The following DLG2 variants were observed in gnomAD, a reference collection of about 807,000 sequenced individuals.
The protein encoded by DLG2 is discs large MAGUK scaffold protein 2, also known as disks large homolog 2.
A neutral mutation model predicts 132.5 loss-of-function variants in DLG2; 45 were observed. That is an observed-to-expected ratio of 0.34 (90% CI 0.27 to 0.44). The LOEUF is 0.44. DLG2 is among the 20% of genes least tolerant of loss of function. DLG2 has a pLI of 1.00. For missense variants in DLG2, 1,045 were observed against 1,196.9 expected, an observed-to-expected ratio of 0.87 and a Z score of 1.87; for synonymous variants, 424 against 419.6, an observed-to-expected ratio of 1.01 and a Z score of -0.13.
rs76355334 is a variant in DLG2 at position 84,144,450 on chromosome 11, G to A, written c.624+19011C>T. Among the ~76,000 whole-genome samples the A allele has an allele frequency of 3.9e-4, 59 of 152,216 alleles. 1 individual carries two copies. In the East Asian group the frequency reaches 0.011, roughly 27 times the overall value. On this transcript the variant is annotated intron_variant, in intron 9 of 27. Transcript: ENST00000376104. Reference sequence around the variant, plus strand: ...GTTCTAAGTAAGAATCATGGAATTTGCTCTGATTTTACTGGATTAGGTTGC... The same window carrying A: ...GTTCTAAGTAAGAATCATGGAATTTACTCTGATTTTACTGGATTAGGTTGC...
At chr11:85,150,762 T>C (rs1223809081) in intron 5 of DLG2, among the ~76,000 whole-genome samples, 2 of 146,660 alleles carry the variant, frequency 1.4e-5, no homozygotes, top group Non-Finnish European at 3.0e-5. Context: ...AACATTTTCT[T>C]TATCCATTCT....
chr11:85,425,521 T>C (rs567489829), intron 3 of DLG2, among the ~76,000 whole-genome samples: 1 of 152,118 alleles, frequency 6.6e-6, no homozygotes, highest in South Asian at 2.1e-4. Context: ...ACACTTTAAA[T>C]TGAAAAAAAA....
intron 6 of DLG2, among the ~76,000 whole-genome samples, chr11:85,045,233 C>G (rs1258691058): frequency 6.6e-6 from 1 of 151,940 alleles, no homozygotes; most frequent in Non-Finnish European, 1.5e-5. Context: ...GGTAGTCTGC[C>G]TATGTCCAAG....
rs188209181 is a variant in DLG2, at chr11:85,185,519, G to A, written c.187-30868C>T. On this transcript the variant is annotated intron_variant, in intron 4 of 27. Transcript: ENST00000376104. ...ACAGAACTTTGCCCATGCTCATGTA[G>A]AGTATCTCATTGTGAGAGCAGGAAA... is the stretch of plus-strand genomic sequence containing the variant. Among the ~76,000 whole-genome samples, 6 of 152,026 alleles carry A rather than the reference G, an allele frequency of 3.9e-5. No homozygotes were observed. The East Asian group carries it at 5.8e-4, about 15-fold the overall frequency.
At chr11:83,939,794 C>A (rs940570019) in intron 14 of DLG2, among the ~76,000 whole-genome samples, 1 of 152,064 alleles carries the variant, frequency 6.6e-6, no homozygotes, top group African/African-American at 2.4e-5. Context: ...CTTCTGTAGG[C>A]CAATTTTACA....
chr11:84,921,284 G>A (rs549543604), intron 6 of DLG2, among the ~76,000 whole-genome samples: 4 of 152,190 alleles, frequency 2.6e-5, no homozygotes, highest in South Asian at 2.1e-4. Context: ...TGAAAAGGTA[G>A]AAGCATAATT....
intron 18 of DLG2, among the ~76,000 whole-genome samples, chr11:83,685,593 C>G (rs561386931): frequency 6.6e-6 from 1 of 152,142 alleles, no homozygotes; most frequent in Admixed American, 6.6e-5. Context: ...ATTTGAGTGT[C>G]CCCAAGTTTG....
intron 17 of DLG2, among the ~76,000 whole-genome samples, chr11:83,816,615 C>T (rs1210748445): frequency 6.6e-6 from 1 of 151,910 alleles, no homozygotes; most frequent in East Asian, 1.9e-4. Flanking sequence ...GTTTGAATTC[C>T]ACACTAGAAA....
At chr11:85,191,160 GCGCA>G (rs1555395201) in intron 4 of DLG2, among the ~76,000 whole-genome samples, 51 of 101,170 alleles carry the variant, frequency 5.0e-4, no homozygotes, top group African/African-American at 1.9e-3. Context: ...GCGCGCACGC[GCGCA>G]CACACACACA....
intron 16 of DLG2, among the ~76,000 whole-genome samples, chr11:83,870,121 C>A (rs1016124798): frequency 6.6e-6 from 1 of 152,152 alleles, no homozygotes; most frequent in Non-Finnish European, 1.5e-5. Flanking sequence ...ATGCTTTTAA[C>A]CATTTCAGCT....
At chr11:84,359,388 G>A (rs1325533055) in intron 7 of DLG2, among the ~76,000 whole-genome samples, 1 of 151,822 alleles carries the variant, frequency 6.6e-6, no homozygotes, top group Non-Finnish European at 1.5e-5. Flanking sequence ...GTTCACTGCA[G>A]AATTACTGAG....
intron 3 of DLG2, among the ~76,000 whole-genome samples, chr11:85,592,321 AAGT>A (rs1339234334): frequency 6.6e-6 from 1 of 152,234 alleles, no homozygotes. Flanking sequence ...GTAAACAAAT[AAGT>A]AGAAACATAA....
intron 16 of DLG2, among the ~76,000 whole-genome samples, chr11:83,840,995 C>G (rs2057403123): frequency 6.6e-6 from 1 of 152,136 alleles, no homozygotes; most frequent in Non-Finnish European, 1.5e-5. Context: ...CCATGATCTT[C>G]ATGATAAACC....
At chr11:83,802,292 G>A (rs2044632931) in intron 17 of DLG2, among the ~76,000 whole-genome samples, 2 of 152,178 alleles carry the variant, frequency 1.3e-5, no homozygotes, top group South Asian at 4.2e-4. Context: ...TCAGACTCTG[G>A]GCTGAAGGCT....
intron 8 of DLG2, among the ~76,000 whole-genome samples, chr11:84,185,156 C>T (rs12802196): frequency 0.12 from 17,523 of 151,412 alleles, 1,840 homozygotes; most frequent in African/African-American, 0.28. Flanking sequence ...ATAAATTACC[C>T]TGGGCAGTAT....
At chr11:83,787,738 T>G (rs2040417005) in intron 17 of DLG2, among the ~76,000 whole-genome samples, 1 of 152,078 alleles carries the variant, frequency 6.6e-6, no homozygotes, top group African/African-American at 2.4e-5. Context: ...TAACTCCCAT[T>G]TTGGGTCCCA....
At chr11:85,128,629 T>C (rs1238409165) in intron 5 of DLG2, among the ~76,000 whole-genome samples, 1 of 152,210 alleles carries the variant, frequency 6.6e-6, no homozygotes, top group Non-Finnish European at 1.5e-5. Context: ...TCCAGAACTA[T>C]TGTCCTATTG....
chr11:83,565,117 G>T (rs2096682662), intron 19 of DLG2, among the ~76,000 whole-genome samples: 1 of 152,088 alleles, frequency 6.6e-6, no homozygotes, highest in Admixed American at 6.6e-5. Flanking sequence ...TAAGATAATT[G>T]TATTTCTATA....
chr11:84,450,708 T>C (rs1025681949), intron 7 of DLG2, among the ~76,000 whole-genome samples: 17 of 151,744 alleles, frequency 1.1e-4, no homozygotes, highest in Non-Finnish European at 1.5e-5. Context: ...CCCATTCTCT[T>C]AGTAAAATAC....
Sources: gnomAD v4.1 joint callset for allele counts (sites outside exome capture counted in the v4.1 genomes callset) on GRCh38, gnomAD v4.1.1 for gene constraint, MANE v1.5 for transcripts, NCBI Gene and HGNC (gene_info 2026-07-23, HGNC 2026-07-21) for gene names.